Variants in GALNTL6 observed in about 807,000 individuals in gnomAD.
GALNTL6 encodes the protein polypeptide N-acetylgalactosaminyltransferase-like 6.
A neutral mutation model predicts 73.7 loss-of-function variants in GALNTL6; 46 were observed. The observed-to-expected ratio is 0.62, with a 90% CI of 0.49 to 0.80. The LOEUF is 0.80. Ranked by LOEUF, GALNTL6 falls within the 30% of genes least tolerant of loss-of-function variation. The pLI is 0.00. For missense variants in GALNTL6, 604 were observed against 755.0 expected, an observed-to-expected ratio of 0.80 and a Z score of 2.34; for synonymous variants, 259 against 263.7, an observed-to-expected ratio of 0.98 and a Z score of 0.17.
At chr4:171,941,967 C>T (rs781555296) in intron 2 of GALNTL6, among the ~76,000 whole-genome samples, 4 of 152,072 alleles carry the variant, frequency 2.6e-5, no homozygotes, top group African/African-American at 4.8e-5. Flanking sequence ...ACACCTGTAT[C>T]GTAACCTTTT....
intron 2 of GALNTL6, among the ~76,000 whole-genome samples, chr4:172,113,011 A>C (rs1732895632): frequency 6.6e-6 from 1 of 151,992 alleles, no homozygotes; most frequent in Admixed American, 6.6e-5. Context: ...AAAACAAAAC[A>C]GAATAGGACA....
At chr4:172,538,031 A>G (rs1163977395) in intron 5 of GALNTL6, among the ~76,000 whole-genome samples, 1 of 152,186 alleles carries the variant, frequency 6.6e-6, no homozygotes, top group Non-Finnish European at 1.5e-5. Context: ...ATTAAGCACC[A>G]AGGTGAGGGT....
At chr4:172,685,349 T>C (rs1732856539) in intron 5 of GALNTL6, among the ~76,000 whole-genome samples, 1 of 152,196 alleles carries the variant, frequency 6.6e-6, no homozygotes, top group Non-Finnish European at 1.5e-5. Context: ...AAGACATAAT[T>C]GCTAATATTA....
intron 5 of GALNTL6, among the ~76,000 whole-genome samples, chr4:172,359,753 T>C (rs1742298406): frequency 6.6e-6 from 1 of 152,136 alleles, no homozygotes; most frequent in Admixed American, 6.5e-5. Flanking sequence ...CATCTGGGGT[T>C]ACCCCATATT....
intron 5 of GALNTL6, among the ~76,000 whole-genome samples, chr4:172,695,279 C>A (rs139285171): frequency 5.4e-4 from 82 of 152,206 alleles, no homozygotes; most frequent in African/African-American, 1.8e-3. Context: ...GATTAAAAAA[C>A]AATGACAGAA....
At chr4:172,228,746 CA>C (rs1271836565) in intron 2 of GALNTL6, among the ~76,000 whole-genome samples, 1 of 152,130 alleles carries the variant, frequency 6.6e-6, no homozygotes, top group African/African-American at 2.4e-5. Context: ...ACTTATTTTA[CA>C]TTATCTTGAC....
At chr4:172,371,343 GA>G (rs1305689251) in intron 5 of GALNTL6, among the ~76,000 whole-genome samples, 9 of 152,214 alleles carry the variant, frequency 5.9e-5, no homozygotes, top group African/African-American at 2.2e-4. Flanking sequence ...CTTTTGATAG[GA>G]AGGCTATGGG....
intron 3 of GALNTL6, among the ~76,000 whole-genome samples, chr4:172,270,592 G>C (rs1482067817): frequency 6.6e-6 from 1 of 152,150 alleles, no homozygotes; most frequent in African/African-American, 2.4e-5. Context: ...CAGAACCTGG[G>C]ACAAGCACTT....
chr4:172,377,513 C>T (rs938137586), intron 5 of GALNTL6, among the ~76,000 whole-genome samples: 1 of 152,194 alleles, frequency 6.6e-6, no homozygotes, highest in African/African-American at 2.4e-5. Flanking sequence ...CGGAGCTGCC[C>T]ACCAGTCCCA....
intron 5 of GALNTL6, among the ~76,000 whole-genome samples, chr4:172,418,869 T>C (rs1182126157): frequency 1.3e-5 from 2 of 152,152 alleles, no homozygotes; most frequent in East Asian, 3.9e-4. Context: ...TATTTAAAGG[T>C]GATTGTTTTC....
At chr4:171,844,940 T>C (rs1260174476) in intron 2 of GALNTL6, among the ~76,000 whole-genome samples, 3 of 152,166 alleles carry the variant, frequency 2.0e-5, no homozygotes, top group Non-Finnish European at 4.4e-5. Flanking sequence ...TGAAATAGTG[T>C]AGCCAGCCTA....
chr4:172,526,758 C>T lies in GALNTL6; in HGVS notation c.553+178069C>T, dbSNP rs1368992271. On this transcript the variant is annotated intron_variant, in intron 5 of 12. Transcript: ENST00000506823. ...ATCCTTTACCTGCCTTTGTCATATT[C>T]ATGGAAGTTTATTTCCTCACCACCT... Among the ~76,000 whole-genome samples the T allele has an allele frequency of 2.6e-5, 4 of 152,188 alleles. No individual in the cohort carries two copies. In the East Asian group the frequency reaches 7.7e-4, roughly 29 times the overall value.
chr4:171,901,870 T>C (rs997729680), intron 2 of GALNTL6, among the ~76,000 whole-genome samples: 1 of 152,208 alleles, frequency 6.6e-6, no homozygotes, highest in African/African-American at 2.4e-5. Flanking sequence ...AATATTCTAA[T>C]ATTATAGTTA....
intron 5 of GALNTL6, among the ~76,000 whole-genome samples, chr4:172,626,101 T>C (rs569552203): frequency 6.6e-6 from 1 of 152,246 alleles, no homozygotes; most frequent in Non-Finnish European, 1.5e-5. Flanking sequence ...CCAAGGTTGA[T>C]GTCCAGAATG....
chr4:172,242,524 C>G (rs969501425), intron 3 of GALNTL6, among the ~76,000 whole-genome samples: 3 of 152,060 alleles, frequency 2.0e-5, no homozygotes, highest in African/African-American at 7.2e-5. Flanking sequence ...CTGGTTTCAA[C>G]TGTTCTATAT....
At chr4:172,233,774 C>T (rs527514434) in intron 3 of GALNTL6, among the ~76,000 whole-genome samples, 8 of 151,884 alleles carry the variant, frequency 5.3e-5, no homozygotes, top group Admixed American at 3.9e-4. Flanking sequence ...ATTTTGTATT[C>T]GGTTTTAAAT....
At chr4:172,752,144 A>C (rs971803471) in intron 5 of GALNTL6, among the ~76,000 whole-genome samples, 3 of 151,986 alleles carry the variant, frequency 2.0e-5, no homozygotes, top group Non-Finnish European at 4.4e-5. Context: ...ATAATAAATC[A>C]ATTTTTGGTA....
chr4:173,009,662 G>A (rs1223646738), intron 11 of GALNTL6, among the ~76,000 whole-genome samples: 1 of 152,140 alleles, frequency 6.6e-6, no homozygotes, highest in Non-Finnish European at 1.5e-5. Context: ...TGGTTTTAAT[G>A]ACTCTGCTGT....
intron 7 of GALNTL6, among the ~76,000 whole-genome samples, chr4:172,864,921 C>T (rs1744585585): frequency 6.6e-6 from 1 of 151,940 alleles, no homozygotes; most frequent in African/African-American, 2.4e-5. Context: ...TAGATAAAGG[C>T]AAATTATCAG....
Sources: allele counts gnomAD v4.1 joint callset (sites outside exome capture counted in the v4.1 genomes callset), GRCh38; gene constraint gnomAD v4.1.1; transcripts MANE v1.5; gene names NCBI Gene and HGNC (gene_info 2026-07-23, HGNC 2026-07-21).